Variants in PRKAR1A observed in about 807,000 individuals in gnomAD.
PRKAR1A encodes the protein cAMP-dependent protein kinase type I-alpha regulatory subunit.
PRKAR1A carries 3 observed loss-of-function variants against 52.0 expected under a neutral mutation model. That is an observed-to-expected ratio of 0.06 (90% confidence interval 0.03 to 0.15). The LOEUF (loss-of-function observed/expected upper bound fraction) is 0.15, where lower values mean the gene tolerates loss of function less well. PRKAR1A is among the 10% of genes least tolerant of loss of function. PRKAR1A has a pLI of 1.00. For missense variants in PRKAR1A, 240 were observed against 477.4 expected, an observed-to-expected ratio of 0.50 and a Z score of 4.63; for synonymous variants, 188 against 168.4, an observed-to-expected ratio of 1.12 and a Z score of -0.90.
chr17:68,546,778 T>C (rs934933595), intron 11 of PRKAR1A, among the ~76,000 whole-genome samples: 19 of 139,756 alleles, frequency 1.4e-4, no homozygotes, highest in African/African-American at 5.1e-4. Flanking sequence ...TGCAGTGAGC[T>C]GAGATTGAGC....
chr17:68,550,988 G>A (rs972170290), intron 11 of PRKAR1A: 1 of 1,055,730 alleles, frequency 9.5e-7, no homozygotes, highest in Non-Finnish European at 1.2e-6. Context: ...TTTGGAATCT[G>A]CCAGTCTAAT....
the PRKAR1A span, among the ~76,000 whole-genome samples, chr17:68,453,390 G>T: frequency 6.6e-6 from 1 of 152,048 alleles, no homozygotes; most frequent in Non-Finnish European, 1.5e-5. Context: ...TGTCTGAGAG[G>T]CACTTTACCA....
upstream of PRKAR1A, among the ~76,000 whole-genome samples, chr17:68,508,926 G>A (rs2085229489): frequency 6.6e-6 from 1 of 151,912 alleles, no homozygotes. Context: ...CACAACTTTG[G>A]GTCTCCTAGG....
chr17:68,463,868 T>C, the PRKAR1A span, among the ~76,000 whole-genome samples: 1 of 152,218 alleles, frequency 6.6e-6, no homozygotes, highest in African/African-American at 2.4e-5. Flanking sequence ...GACAGCTGTG[T>C]TGAAAAGAAA....
intron 11 of PRKAR1A, chr17:68,542,897 A>G: frequency 9.7e-7 from 1 of 1,026,060 alleles, no homozygotes; most frequent in East Asian, 2.4e-5. Context: ...CACATTAGGA[A>G]TTGGCTGGTG....
the PRKAR1A span, among the ~76,000 whole-genome samples, chr17:68,429,629 C>A: frequency 6.6e-6 from 1 of 152,050 alleles, no homozygotes; most frequent in Non-Finnish European, 1.5e-5. Flanking sequence ...TGCTCTGTCG[C>A]CCAGGCTGGA....
At chr17:68,427,097 G>T in the PRKAR1A span, 1 of 1,546,066 alleles carries the variant, frequency 6.5e-7, no homozygotes, top group Non-Finnish European at 8.9e-7. Context: ...GGAGGTCACT[G>T]TTGGAGATGC....
intron 2 of PRKAR1A, among the ~76,000 whole-genome samples, chr17:68,521,079 C>T (rs1475296300): frequency 6.6e-6 from 1 of 152,078 alleles, no homozygotes; most frequent in African/African-American, 2.4e-5. Context: ...GTAGCTGGGG[C>T]TACAGGTGCC....
intron 1 of PRKAR1A, among the ~76,000 whole-genome samples, chr17:68,513,539 T>C (rs1011653012): frequency 3.9e-5 from 6 of 152,238 alleles, no homozygotes; most frequent in Non-Finnish European, 7.3e-5. Context: ...ATCTGAGTGT[T>C]TTGTTTTACA....
At chr17:68,471,274 T>C in the PRKAR1A span, among the ~76,000 whole-genome samples, 1 of 152,168 alleles carries the variant, frequency 6.6e-6, no homozygotes, top group Non-Finnish European at 1.5e-5. Context: ...GAACTATCTC[T>C]AAGATGGGAA....
the PRKAR1A span, chr17:68,430,181 A>G: frequency 6.2e-7 from 1 of 1,603,052 alleles, no homozygotes; most frequent in East Asian, 2.2e-5. Context: ...ATGCACAGGC[A>G]ACGATGGGAC....
At chr17:68,518,955 CGA>C (rs1270017180) in intron 2 of PRKAR1A, among the ~76,000 whole-genome samples, 3 of 152,282 alleles carry the variant, frequency 2.0e-5, no homozygotes, top group Non-Finnish European at 4.4e-5. Context: ...CTTTGCATAG[CGA>C]GAGTCACCTT....
At chr17:68,550,574 T>C (rs1411327875) in intron 11 of PRKAR1A, among the ~76,000 whole-genome samples, 1 of 151,974 alleles carries the variant, frequency 6.6e-6, no homozygotes. Context: ...AGAGATGGGG[T>C]TTCACCATGA....
the PRKAR1A span, among the ~76,000 whole-genome samples, chr17:68,489,717 ATT>A: frequency 7.8e-4 from 115 of 147,604 alleles, no homozygotes; most frequent in Non-Finnish European, 5.7e-4. Context: ...CACCCGGCAA[ATT>A]TTTTTTTTTT....
intron 1 of PRKAR1A, chr17:68,513,179 C>T (rs1414926842): frequency 6.6e-6 from 1 of 152,330 alleles, no homozygotes; most frequent in African/African-American, 2.4e-5. Flanking sequence ...ACTGGCGTAG[C>T]TTGAAGTCTC....
rs953875859 is a variant in PRKAR1A, at chr17:68,523,907, A to G, written c.440+91A>G. ...ACTTGTTGCAAGTTTTAGAGCTCTT[A>G]GTAATTGTTCACCAGATGACAGTCT... On this transcript the variant is annotated intron_variant, in intron 4 of 10. Transcript: ENST00000589228. 59 of 1,573,580 alleles carry G rather than the reference A, an allele frequency of 3.7e-5. No homozygotes were observed. In the African/African-American group the frequency reaches 7.4e-4, roughly 20 times the overall value.
the PRKAR1A span, among the ~76,000 whole-genome samples, chr17:68,457,027 C>T: frequency 6.6e-6 from 1 of 152,200 alleles, no homozygotes; most frequent in African/African-American, 2.4e-5. Context: ...TGGTCACTGG[C>T]TTTCCCACCG....
chr17:68,515,362 T>C (rs1195332890), intron 1 of PRKAR1A, 32 bp from the exon 2 acceptor site: 4 of 1,610,418 alleles, frequency 2.5e-6, no homozygotes, highest in African/African-American at 2.7e-5. Flanking sequence ...CTTTATAGTT[T>C]ATACAAGCAT....
the PRKAR1A span, among the ~76,000 whole-genome samples, chr17:68,486,565 C>CT: frequency 6.2e-5 from 8 of 129,660 alleles, no homozygotes; most frequent in Non-Finnish European, 1.3e-4. Context: ...TTCTTTCTTT[C>CT]TTTCTTCTTT....
Sources: allele counts gnomAD v4.1 joint callset (sites outside exome capture counted in the v4.1 genomes callset), GRCh38; gene constraint gnomAD v4.1.1; transcripts MANE v1.5; gene names NCBI Gene and HGNC (gene_info 2026-07-23, HGNC 2026-07-21).